Variants in GPHN observed in about 807,000 individuals in gnomAD.
GPHN encodes gephyrin.
In GPHN, 17 loss-of-function variants were observed where a neutral mutation model predicts 95.5. That is an observed-to-expected ratio of 0.18 (90% CI 0.12 to 0.27). The LOEUF (loss-of-function observed/expected upper bound fraction) is 0.27, where lower values mean the gene tolerates loss of function less well. GPHN is among the 10% of genes least tolerant of loss of function. GPHN has a pLI of 1.00. For missense variants in GPHN, 660 were observed against 978.1 expected, an observed-to-expected ratio of 0.67 and a Z score of 4.34; for synonymous variants, 320 against 322.5, an observed-to-expected ratio of 0.99 and a Z score of 0.08.
rs147434305 is a variant in GPHN, at chr14:67,096,313, A to G, written c.1238-4543A>G. 2.5e-3 allele frequency among the ~76,000 whole-genome samples: 384 copies of G among 152,272 alleles called. 9 individuals carry two copies. Among genetic ancestry groups the G allele is most frequent in the East Asian group, 0.017 (90 of 5,176 alleles). The stretch of plus-strand genomic sequence containing the variant: ...TAGAATCGCTTCAGAGTACTTTCAC[A>G]TATGGACCTCCCTGGAACTCCATAC... On this transcript the variant is annotated intron_variant, in intron 12 of 22. Coordinates refer to ENST00000478722, the MANE Select transcript of GPHN (RefSeq NM_020806.5).
chr14:67,151,941 G>T lies in GPHN; in HGVS notation c.1837-7474G>T, dbSNP rs139062895. On this transcript the variant is annotated intron_variant, in intron 18 of 22. Coordinates refer to ENST00000478722, the MANE Select transcript of GPHN (RefSeq NM_020806.5). ...TTTCAGACTTGAGCCACCATGCCTG[G>T]CCTGTACCCAGGTTTAAGCCACTCA... Among the ~76,000 whole-genome samples the T allele has an allele frequency of 2.0e-4, 31 of 152,258 alleles. No homozygotes were observed. In the East Asian group the frequency reaches 5.8e-3, roughly 28 times the overall value.
At chr14:66,868,284 T>G (rs1195956274) in intron 4 of GPHN, among the ~76,000 whole-genome samples, 1 of 152,160 alleles carries the variant, frequency 6.6e-6, no homozygotes, top group Non-Finnish European at 1.5e-5. Context: ...TCTGCTCTGT[T>G]AATAAAATCA....
At chr14:67,352,312 A>C in the GPHN span, among the ~76,000 whole-genome samples, 1 of 151,906 alleles carries the variant, frequency 6.6e-6, no homozygotes, top group Admixed American at 6.6e-5. Context: ...TCTACTAAAA[A>C]TAAAAAAAAT....
At chr14:66,768,356 A>G (rs1279315976) in intron 2 of GPHN, among the ~76,000 whole-genome samples, 1 of 152,008 alleles carries the variant, frequency 6.6e-6, no homozygotes, top group African/African-American at 2.4e-5. Context: ...TATAGAGAAG[A>G]TAATCTCTCT....
At chr14:66,670,999 A>T (rs1354371863) in intron 1 of GPHN, among the ~76,000 whole-genome samples, 1 of 152,162 alleles carries the variant, frequency 6.6e-6, no homozygotes, top group Non-Finnish European at 1.5e-5. Flanking sequence ...AGAATGAAAG[A>T]TGGTGGAAAT....
At position 66,668,094 on chromosome 14, in the gene GPHN, A is replaced by G. The variant is rs369457743; in HGVS notation, c.65-13013A>G. ...AAACCACAGTGAGATATCATATCCT[A>G]CCAGTCAGAATGGCTATTATTAAAG... is the stretch of plus-strand genomic sequence containing the variant. On this transcript the variant is annotated intron_variant, in intron 1 of 22. Coordinates refer to ENST00000478722, the MANE Select transcript of GPHN (RefSeq NM_020806.5). 3.2e-4 allele frequency among the ~76,000 whole-genome samples: 49 copies of G among 152,330 alleles called. 7 individuals are homozygous for G. The highest frequency in any genetic ancestry group is 2.8e-3 in the Admixed American group (43 of 15,300).
chr14:66,749,931 G>T (rs1191705896), intron 2 of GPHN, among the ~76,000 whole-genome samples: 1 of 151,596 alleles, frequency 6.6e-6, no homozygotes, highest in Admixed American at 6.6e-5. Flanking sequence ...ATGCGTAATT[G>T]TCACATCAGG....
At chr14:67,171,957 G>A (rs567109037) in intron 21 of GPHN, among the ~76,000 whole-genome samples, 17 of 152,280 alleles carry the variant, frequency 1.1e-4, no homozygotes, top group Middle Eastern at 6.8e-3. Flanking sequence ...GCCCTCACAA[G>A]CATGAAGCCC....
intron 5 of GPHN, among the ~76,000 whole-genome samples, chr14:66,911,338 G>T (rs728647): frequency 0.33 from 49,302 of 151,674 alleles, 12,770 homozygotes; most frequent in African/African-American, 0.7. Flanking sequence ...GTTCTAAAAT[G>T]GATTACCAGG....
At chr14:66,694,746 A>G (rs1329553944) in intron 2 of GPHN, among the ~76,000 whole-genome samples, 1 of 152,224 alleles carries the variant, frequency 6.6e-6, no homozygotes, top group Non-Finnish European at 1.5e-5. Context: ...TACAAACACA[A>G]TGCCATGAAA....
chr14:67,501,081 T>TAAC, the GPHN span, among the ~76,000 whole-genome samples: 1 of 144,732 alleles, frequency 6.9e-6, no homozygotes, highest in South Asian at 2.1e-4. Flanking sequence ...ATAATAATAA[T>TAAC]AATAAAGAAA....
the GPHN span, among the ~76,000 whole-genome samples, chr14:67,450,895 T>A: frequency 1.3e-5 from 2 of 152,038 alleles, no homozygotes; most frequent in African/African-American, 4.8e-5. Flanking sequence ...ATGTCAGAGG[T>A]CTTCATGGCA....
At chr14:67,319,143 C>A in the GPHN span, among the ~76,000 whole-genome samples, 1 of 151,762 alleles carries the variant, frequency 6.6e-6, no homozygotes, top group Non-Finnish European at 1.5e-5. Flanking sequence ...GGAATTTAAA[C>A]AAGTGTAGTT....
At chr14:66,947,360 G>C (rs1051091046) in intron 8 of GPHN, among the ~76,000 whole-genome samples, 1 of 152,072 alleles carries the variant, frequency 6.6e-6, no homozygotes, top group African/African-American at 2.4e-5. Context: ...ATTGCACCTT[G>C]TTATTTTCCT....
intron 10 of GPHN, among the ~76,000 whole-genome samples, chr14:67,038,142 T>C (rs1158353124): frequency 1.3e-5 from 2 of 152,080 alleles, no homozygotes; most frequent in African/African-American, 4.8e-5. Context: ...AAGGAAATCC[T>C]GTCATATGCT....
At chr14:66,534,899 G>T (rs140630850) in intron 1 of GPHN, among the ~76,000 whole-genome samples, 1 of 151,948 alleles carries the variant, frequency 6.6e-6, no homozygotes, top group Non-Finnish European at 1.5e-5. Flanking sequence ...CCTTTGCATG[G>T]CAAATTTCTT....
chr14:66,694,243 C>A (rs574920146), intron 2 of GPHN, among the ~76,000 whole-genome samples: 3 of 152,038 alleles, frequency 2.0e-5, no homozygotes, highest in African/African-American at 7.2e-5. Context: ...CCACCATATG[C>A]GATTATAGCC....
At chr14:67,201,495 C>T in the GPHN span, 5 of 455,914 alleles carry the variant, frequency 1.1e-5, no homozygotes, top group East Asian at 3.5e-4. Flanking sequence ...AGAAGATATT[C>T]ATCTCATCCT....
intron 1 of GPHN, among the ~76,000 whole-genome samples, chr14:66,670,912 A>G (rs1471787839): frequency 6.6e-6 from 1 of 152,216 alleles, no homozygotes; most frequent in Non-Finnish European, 1.5e-5. Flanking sequence ...ATTTTCTCAG[A>G]TTTTTTTGAT....
Sources: allele counts gnomAD v4.1 joint callset (sites outside exome capture counted in the v4.1 genomes callset), GRCh38; gene constraint gnomAD v4.1.1; transcripts MANE v1.5; gene names NCBI Gene and HGNC (gene_info 2026-07-23, HGNC 2026-07-21).